The following RANBP3L variants were observed in gnomAD, a reference collection of about 807,000 sequenced individuals.
RANBP3L encodes the protein ran-binding protein 3-like.
A neutral mutation model predicts 67.2 loss-of-function variants in RANBP3L; 56 were observed. The observed-to-expected ratio is 0.83, with a 90% confidence interval of 0.67 to 1.04. RANBP3L has a LOEUF of 1.04. Among genes scored for constraint, RANBP3L ranks in the 50% least tolerant of loss-of-function variants. RANBP3L has a pLI of 0.00. For synonymous variants in RANBP3L, 164 were observed against 181.4 expected (o/e 0.90, Z 0.77); for missense variants, 496 against 535.5 (o/e 0.93, Z 0.73).
At chr5:36,259,207 G>A (rs2111724126) in intron 8 of RANBP3L, among the ~76,000 whole-genome samples, 1 of 152,304 alleles carries the variant, frequency 6.6e-6, no homozygotes, top group Admixed American at 6.5e-5. Context: ...GGATTGGTGA[G>A]TTGACCTTCA....
chr5:36,262,484 A>C (rs1459695039), intron 6 of RANBP3L, among the ~76,000 whole-genome samples: 4 of 152,154 alleles, frequency 2.6e-5, no homozygotes, highest in Non-Finnish European at 4.4e-5. Context: ...AACCCCACTC[A>C]TCTATTTATC....
At chr5:36,270,075 TAAAAG>T (rs1750102124) in intron 2 of RANBP3L, 85 bp from the exon 3 acceptor site, 3 of 1,225,312 alleles carry the variant, frequency 2.4e-6, no homozygotes, top group Non-Finnish European at 1.2e-6. Flanking sequence ...TTTTGGCAAT[TAAAAG>T]TAATGGCAAA....
chr5:36,264,668 C>T (rs1428377331), intron 6 of RANBP3L, among the ~76,000 whole-genome samples: 3 of 152,178 alleles, frequency 2.0e-5, no homozygotes, highest in Non-Finnish European at 4.4e-5. Context: ...CCCTGGCTCC[C>T]TCATTGCTGT....
intron 7 of RANBP3L, 98 bp downstream of exon 7, chr5:36,261,841 A>T: frequency 1.8e-6 from 1 of 550,678 alleles, no homozygotes; most frequent in Non-Finnish European, 3.2e-6. Flanking sequence ...TTGGCAATTT[A>T]TCCGTACAAG....
chr5:36,301,253 C>T, intron 1 of RANBP3L, 73 bp downstream of exon 1: 2 of 1,134,438 alleles, frequency 1.8e-6, no homozygotes, highest in Admixed American at 1.7e-5. Context: ...CCTTCACCAG[C>T]CCACCATTCT....
intron 1 of RANBP3L, among the ~76,000 whole-genome samples, chr5:36,299,363 G>GTATA (rs201710440): frequency 4.8e-5 from 7 of 144,508 alleles, no homozygotes; most frequent in African/African-American, 1.3e-4. Flanking sequence ...GTGTGTGTGT[G>GTATA]TGTATATATC....
intron 1 of RANBP3L, among the ~76,000 whole-genome samples, chr5:36,290,653 T>A (rs200060671): frequency 4.5e-3 from 5 of 1,100 alleles, no homozygotes; most frequent in Non-Finnish European, 0.034. Context: ...AAATAAAGGA[T>A]TTTTTTTTTT....
chr5:36,265,446 T>TA lies in RANBP3L; in HGVS notation c.340+2dup. 1 of 1,571,212 alleles carries TA rather than the reference T, an allele frequency of 6.4e-7. No homozygotes were observed. Among genetic ancestry groups the TA allele is most frequent in the Non-Finnish European group, 8.7e-7 (1 of 1,147,782 alleles). ...TGAGGTTCTTGAAATAGAAGCTACA[T>TA]ACCTTGTTCAGCACTCTTTATATCA... On this transcript the variant is annotated splice_region_variant and intron_variant, in intron 5 of 13. Transcript: ENST00000296604.
rs768662391 is a variant in RANBP3L, at chr5:36,301,314, G to A, written c.91+12C>T. 1.3e-6 allele frequency: 2 copies of A among 1,598,560 alleles called. No individual in the cohort carries two copies. The highest frequency in any genetic ancestry group is 1.1e-5 in the South Asian group (1 of 90,752). ...TCACAGAATATGCAACTCATGAGCT[G>A]GACGGACTCACCTTGCTGTCGCCGG... On this transcript the variant is annotated intron_variant, in intron 1 of 13. Coordinates refer to ENST00000296604, the MANE Select transcript of RANBP3L (RefSeq NM_145000.5).
chr5:36,257,113 T>C, intron 9 of RANBP3L, 42 bp from the exon 10 acceptor site: 1 of 1,566,682 alleles, frequency 6.4e-7, no homozygotes, highest in Non-Finnish European at 8.7e-7. Context: ...GTCCCCATTT[T>C]CTCTACTGTG....
intron 8 of RANBP3L, among the ~76,000 whole-genome samples, chr5:36,257,762 A>C (rs13166148): frequency 0.41 from 61,940 of 151,838 alleles, 15,206 homozygotes; most frequent in Non-Finnish European, 0.56. Context: ...CAGAAAACAT[A>C]ATCTAGTTAC....
intron 4 of RANBP3L, among the ~76,000 whole-genome samples, chr5:36,266,087 T>C (rs1749764113): frequency 6.6e-6 from 1 of 151,890 alleles, no homozygotes; most frequent in African/African-American, 2.4e-5. Flanking sequence ...AAAGGCAGTC[T>C]TTTTTTTGAA....
At chr5:36,271,707 A>G (rs551903511) in intron 1 of RANBP3L, among the ~76,000 whole-genome samples, 3 of 152,188 alleles carry the variant, frequency 2.0e-5, no homozygotes, top group Non-Finnish European at 4.4e-5. Context: ...CTTAGGTTAG[A>G]TGTGGAGGTA....
rs1748441429 is a variant in RANBP3L at position 36,249,295 on chromosome 5, A to G, written c.*359T>C. ...TTGTGGTCAAGTATGACTGAAAAAA[A>G]TAAACATTTTGTTAGGTATTTATCA... is the stretch of plus-strand genomic sequence containing the variant. On this transcript the variant is annotated 3_prime_UTR_variant, in exon 14 of 14. Transcript: ENST00000296604. The G allele has an allele frequency of 6.4e-6, 1 of 156,844 alleles. No individual in the cohort carries two copies. The highest frequency in any genetic ancestry group is 1.4e-5 in the Non-Finnish European group (1 of 71,230). The allele number at this position is 156,844 out of a possible 1,614,324, so 9.7% of individuals were successfully genotyped here. A position where few individuals can be genotyped will look rare whatever the true frequency, so the allele number is the denominator to read the frequency against.
At chr5:36,268,301 A>T in intron 4 of RANBP3L, 1 of 1,444,008 alleles carries the variant, frequency 6.9e-7, no homozygotes, top group Middle Eastern at 1.8e-4. Flanking sequence ...GTCAGTAAGA[A>T]AGTGGGTTTT....
chr5:36,271,233 AAAG>A lies in RANBP3L; in HGVS notation c.150+17_150+19del, dbSNP rs1173404200. ...TGTCTTTGTCAAAGTAAAATTGAAC[AAAG>A]AAGTAGTCAATCTTACCTTAAAAGT... On this transcript the variant is annotated intron_variant, in intron 2 of 13. Transcript: ENST00000296604. 4 of 1,342,856 alleles carry A rather than the reference AAAG, an allele frequency of 3.0e-6. No individual in the cohort carries two copies. The African/African-American group carries it at 4.3e-5, about 15-fold the overall frequency. The allele number at this position is 1,342,856 out of a possible 1,614,324, so 83.2% of individuals were successfully genotyped here.
chr5:36,250,531 A>G (rs1413164923), intron 13 of RANBP3L, among the ~76,000 whole-genome samples: 1 of 152,014 alleles, frequency 6.6e-6, no homozygotes, highest in Non-Finnish European at 1.5e-5. Context: ...TTAAGAGTTG[A>G]AAAAAATGCT....
chr5:36,265,699 G>A (rs757357303), intron 4 of RANBP3L, among the ~76,000 whole-genome samples, 179 bp from the exon 5 acceptor site: 1 of 152,170 alleles, frequency 6.6e-6, no homozygotes, highest in Non-Finnish European at 1.5e-5. Context: ...CCAGCCAGGC[G>A]CGGTGGCTCG....
intron 1 of RANBP3L, among the ~76,000 whole-genome samples, chr5:36,291,749 A>G (rs1250922355): frequency 9.6e-6 from 1 of 104,524 alleles, no homozygotes; most frequent in Admixed American, 1.0e-4. Flanking sequence ...TTATGGCTGC[A>G]TAGTATTCCA....
Sources: gnomAD v4.1 joint callset for allele counts (sites outside exome capture counted in the v4.1 genomes callset) on GRCh38, gnomAD v4.1.1 for gene constraint, MANE v1.5 for transcripts, NCBI Gene and HGNC (gene_info 2026-07-23, HGNC 2026-07-21) for gene names.